Variants in PTPRD observed in about 807,000 individuals in gnomAD.
The protein encoded by PTPRD is protein tyrosine phosphatase receptor type D.
Under a neutral mutation model 214.5 loss-of-function variants are expected in PTPRD, and 34 were observed. That is an observed-to-expected ratio of 0.16 (90% CI 0.12 to 0.21). The LOEUF is 0.21. Ranked by LOEUF, PTPRD falls within the 10% of genes least tolerant of loss-of-function variation. The probability of loss-of-function intolerance (pLI) is 1.00; values close to 1 mark genes in which losing one functional copy is unlikely to be tolerated. For synonymous variants in PTPRD, 1,128 were observed against 845.7 expected (o/e 1.33, Z -5.79); for missense variants, 2,545 against 2,398.7 (o/e 1.06, Z -1.27).
intron 5 of PTPRD, among the ~76,000 whole-genome samples, chr9:9,910,641 T>C (rs912683221): frequency 2.0e-5 from 3 of 152,036 alleles, no homozygotes; most frequent in African/African-American, 7.2e-5. Context: ...TTAGGCATTG[T>C]TTTTTGTTAT....
intron 9 of PTPRD, among the ~76,000 whole-genome samples, chr9:9,221,535 G>A (rs947506573): frequency 6.6e-6 from 1 of 151,966 alleles, no homozygotes; most frequent in Non-Finnish European, 1.5e-5. Context: ...CTCTGGAGAG[G>A]GCTCTCTTTC....
chr9:9,731,818 T>C (rs1490109788), intron 7 of PTPRD, among the ~76,000 whole-genome samples: 1 of 152,122 alleles, frequency 6.6e-6, no homozygotes, highest in Non-Finnish European at 1.5e-5. Flanking sequence ...CTAAATAAGT[T>C]AGTTAATTGA....
chr9:10,409,620 C>T (rs1253802854), intron 2 of PTPRD, among the ~76,000 whole-genome samples: 2 of 151,730 alleles, frequency 1.3e-5, no homozygotes, highest in Admixed American at 6.6e-5. Context: ...TATGCATATA[C>T]ATTGTGGTTT....
At chr9:9,859,572 G>A (rs1600022075) in intron 5 of PTPRD, among the ~76,000 whole-genome samples, 3 of 152,302 alleles carry the variant, frequency 2.0e-5, no homozygotes, top group African/African-American at 4.8e-5. Context: ...CCACCTTCAA[G>A]GAGAGAATGC....
chr9:9,657,286 G>C (rs1430267671), intron 7 of PTPRD, among the ~76,000 whole-genome samples: 1 of 151,120 alleles, frequency 6.6e-6, no homozygotes, highest in African/African-American at 2.4e-5. Context: ...TAAAAAAAAA[G>C]GTCATGTCCT....
chr9:10,431,243 T>C (rs2098674905), intron 2 of PTPRD, among the ~76,000 whole-genome samples: 1 of 152,130 alleles, frequency 6.6e-6, no homozygotes, highest in Non-Finnish European at 1.5e-5. Context: ...TGTAGAAAGC[T>C]GAAACTGGAT....
rs1565616433 is a variant in PTPRD, at chr9:9,833,690, C to CGGG, written c.-367-66840_-367-66839insCCC. Reference sequence around the variant, plus strand: ...GACAGGTACGCTCCGGAGAGGGGGGCAGTTCAGAGACCTACCCCTAGGTGC... The same window carrying CGGG: ...GACAGGTACGCTCCGGAGAGGGGGGCGGGAGTTCAGAGACCTACCCCTAGGTGC... On this transcript the variant is annotated intron_variant, in intron 5 of 45. Transcript: ENST00000381196. Among the ~76,000 whole-genome samples, 10 of 132,764 alleles carry CGGG rather than the reference C, an allele frequency of 7.5e-5. 1 individual carries two copies. In the East Asian group the frequency reaches 2.0e-3, roughly 26 times the overall value. The allele number at this position is 132,764 out of a possible 152,430, so 87.1% of individuals were successfully genotyped here.
At chr9:8,461,788 C>T (rs1229813378) in intron 32 of PTPRD, among the ~76,000 whole-genome samples, 2 of 151,982 alleles carry the variant, frequency 1.3e-5, no homozygotes, top group Non-Finnish European at 2.9e-5. Context: ...ATCTCTGACT[C>T]CATCCTATAG....
chr9:8,473,057 C>A (rs1409830048), intron 30 of PTPRD, among the ~76,000 whole-genome samples: 1 of 152,110 alleles, frequency 6.6e-6, no homozygotes, highest in African/African-American at 2.4e-5. Flanking sequence ...GCCGGAGAGA[C>A]GCATCTGAAC....
chr9:10,007,824 T>C (rs1334921855), intron 4 of PTPRD, among the ~76,000 whole-genome samples: 6 of 152,010 alleles, frequency 3.9e-5, no homozygotes, highest in East Asian at 1.9e-4. Flanking sequence ...TCTGTTACAA[T>C]TGATGCATAA....
intron 14 of PTPRD, among the ~76,000 whole-genome samples, chr9:8,617,649 T>C (rs1214391148): frequency 2.0e-5 from 3 of 152,122 alleles, no homozygotes; most frequent in Non-Finnish European, 2.9e-5. Flanking sequence ...TGTTTTTAAG[T>C]CTTACAGTCT....
intron 11 of PTPRD, among the ~76,000 whole-genome samples, chr9:8,915,811 A>G (rs1375238903): frequency 6.6e-6 from 1 of 152,232 alleles, no homozygotes; most frequent in Non-Finnish European, 1.5e-5. Flanking sequence ...CATTAGGAAG[A>G]GCAAGCTGCC....
chr9:9,205,727 T>C (rs1166106645), intron 9 of PTPRD, among the ~76,000 whole-genome samples: 3 of 152,212 alleles, frequency 2.0e-5, no homozygotes, highest in Non-Finnish European at 4.4e-5. Context: ...ACTATCTATT[T>C]ATCCATTCTT....
chr9:8,355,472 A>G (rs2076740889), intron 39 of PTPRD, among the ~76,000 whole-genome samples: 1 of 152,194 alleles, frequency 6.6e-6, no homozygotes, highest in Admixed American at 6.5e-5. Flanking sequence ...TGACGAATAA[A>G]TAAGAGCTAG....
intron 3 of PTPRD, among the ~76,000 whole-genome samples, chr9:10,055,845 T>C (rs1330364087): frequency 6.6e-6 from 1 of 150,962 alleles, no homozygotes; most frequent in African/African-American, 2.4e-5. Context: ...ATTATGTATA[T>C]ACAAATGTAT....
chr9:10,489,058 C>T (rs1025361679), intron 2 of PTPRD, among the ~76,000 whole-genome samples: 9 of 152,094 alleles, frequency 5.9e-5, no homozygotes, highest in Non-Finnish European at 7.4e-5. Flanking sequence ...CAGCTGGGAA[C>T]GTGCTGAGCC....
At chr9:10,604,340 A>C (rs2078758378) in intron 2 of PTPRD, among the ~76,000 whole-genome samples, 1 of 151,892 alleles carries the variant, frequency 6.6e-6, no homozygotes, top group South Asian at 2.1e-4. Flanking sequence ...GCACTGATGT[A>C]ATACTTCAAA....
intron 9 of PTPRD, among the ~76,000 whole-genome samples, chr9:9,218,386 G>T (rs919866852): frequency 6.6e-6 from 1 of 152,078 alleles, no homozygotes; most frequent in Non-Finnish European, 1.5e-5. Context: ...AACAAGACTA[G>T]TGGCCATTAG....
At chr9:8,648,406 G>T (rs1461543935) in intron 12 of PTPRD, among the ~76,000 whole-genome samples, 1 of 152,164 alleles carries the variant, frequency 6.6e-6, no homozygotes, top group Admixed American at 6.5e-5. Flanking sequence ...CTGGTTTAGT[G>T]ACATAAATTT....
Sources: allele counts gnomAD v4.1 joint callset (sites outside exome capture counted in the v4.1 genomes callset), GRCh38; gene constraint gnomAD v4.1.1; transcripts MANE v1.5; gene names NCBI Gene and HGNC (gene_info 2026-07-23, HGNC 2026-07-21).